Variants in SPATA13 observed in about 807,000 individuals in gnomAD.
The protein encoded by SPATA13 is spermatogenesis-associated protein 13.
In SPATA13, 50 loss-of-function variants were observed where a neutral mutation model predicts 104.0. That is an observed-to-expected ratio of 0.48 (90% CI 0.38 to 0.61). SPATA13 has a LOEUF of 0.61. Ranked by LOEUF, SPATA13 falls within the 20% of genes least tolerant of loss-of-function variation. The probability of loss-of-function intolerance (pLI) is 0.00; values close to 1 mark genes in which losing one functional copy is unlikely to be tolerated. For synonymous variants in SPATA13, 606 were observed against 667.5 expected, an observed-to-expected ratio of 0.91 and a Z score of 1.42; for missense variants, 1,524 against 1,690.6, an observed-to-expected ratio of 0.90 and a Z score of 1.73.
At chr13:24,062,515 C>T (rs1878806749) in intron 3 of SPATA13, among the ~76,000 whole-genome samples, 1 of 152,090 alleles carries the variant, frequency 6.6e-6, no homozygotes. Context: ...GAACCTGGGT[C>T]ACCTCACCTC....
intron 1 of SPATA13, among the ~76,000 whole-genome samples, chr13:24,219,144 T>TTA (rs1468251175): frequency 6.6e-6 from 1 of 152,208 alleles, no homozygotes; most frequent in African/African-American, 2.4e-5. Flanking sequence ...TTCCCACAAT[T>TTA]TATAAGACTT....
In SPATA13 at chr13:24,302,672, A is replaced by G. The variant is rs1480860593; in HGVS notation, c.3733A>G (p.Thr1245Ala). The G allele has an allele frequency of 2.5e-6, 4 of 1,613,878 alleles. No homozygotes were observed. Among genetic ancestry groups the G allele is most frequent in the East Asian group, 2.2e-5 (1 of 44,882 alleles). The change falls in exon 13 of 13, where the codon ACA becomes GCA. Residue 1245 changes from threonine to alanine, a missense_variant. Thr to Ala is a moderately conservative substitution (Grantham distance 58). This residue lies in a region of SPATA13 where 435 missense variants were observed against 554.8 expected (regional missense o/e 0.78). Transcript: ENST00000382108. The stretch of plus-strand genomic sequence containing the variant: ...CCACCAGCGCCACATCACTATGCCC[A>G]CAAGCGTCCCCCAGCAGCAGGTCTT... ...PIHQRHITMP[T>A]SVPQQQVFGL...
At chr13:24,171,551 A>T (rs1333310630) in intron 1 of SPATA13, among the ~76,000 whole-genome samples, 1 of 152,238 alleles carries the variant, frequency 6.6e-6, no homozygotes, top group African/African-American at 2.4e-5. Flanking sequence ...GCTGATAATT[A>T]CAAATGGCCC....
In SPATA13 at chr13:24,289,091, C is replaced by T. The variant is rs767598950; in HGVS notation, c.2760C>T (p.Phe920=). ...GAAACATTGAAGATATTTACAAATT[C>T]CAAAGAAAGTTTCTGAAAGACCTTG... ...IFGNIEDIYK[F]QRKFLKDLEK... The change falls in exon 8 of 13, where the codon TTC becomes TTT. Residue 920 remains phenylalanine, a synonymous_variant. Transcript: ENST00000382108. The T allele has an allele frequency of 1.9e-6, 3 of 1,613,848 alleles. No homozygotes were observed. In the South Asian group the frequency reaches 3.3e-5, roughly 18 times the overall value.
intron 3 of SPATA13, among the ~76,000 whole-genome samples, chr13:24,081,643 C>T (rs1473082168): frequency 6.6e-6 from 1 of 152,106 alleles, no homozygotes; most frequent in Non-Finnish European, 1.5e-5. Context: ...AACTGCACTG[C>T]AGCCTGGGTG....
chr13:24,158,092 T>G (rs1179350123), upstream of SPATA13, among the ~76,000 whole-genome samples: 1 of 152,064 alleles, frequency 6.6e-6, no homozygotes, highest in African/African-American at 2.4e-5. Context: ...TAGTGAGAGG[T>G]GGTAGTTTCT....
At chr13:24,036,295 A>G (rs1877679451) in intron 3 of SPATA13, among the ~76,000 whole-genome samples, 1 of 152,254 alleles carries the variant, frequency 6.6e-6, no homozygotes, top group South Asian at 2.1e-4. Context: ...AATGGAAGAC[A>G]GCTGGGCTGT....
intron 2 of SPATA13, among the ~76,000 whole-genome samples, chr13:24,247,945 T>C (rs542763739): frequency 5.3e-5 from 8 of 152,124 alleles, no homozygotes; most frequent in Non-Finnish European, 8.8e-5. Flanking sequence ...GCCGGTGGGC[T>C]GCGGCACAAG....
chr13:24,033,974 G>A (rs1443956660), intron 3 of SPATA13: 1 of 152,198 alleles, frequency 6.6e-6, no homozygotes, highest in East Asian at 1.9e-4. Flanking sequence ...TATGGAAGAG[G>A]AGACCCTTTA....
In SPATA13 at chr13:24,161,066, C is replaced by T. The variant is rs181467763; in HGVS notation, c.-112+134C>T. 2.7e-4 allele frequency: 135 copies of T among 492,698 alleles called. No homozygotes were observed. The highest frequency in any genetic ancestry group is 2.6e-3 in the African/African-American group (123 of 48,000). The allele number at this position is 492,698 out of a possible 1,614,324, so 30.5% of individuals were successfully genotyped here. The stretch of plus-strand genomic sequence containing the variant: ...TGTCCAGCTCCCAGCTGCTTGGCCT[C>T]TGCTTCCCCCGCCGGTGGAGGCTAC... On this transcript the variant is annotated intron_variant, in intron 1 of 12. Coordinates refer to ENST00000382108, the MANE Select transcript of SPATA13 (RefSeq NM_001166271.3). The surrounding 1 kb of genome is among the most constrained non-coding windows in gnomAD (Gnocchi z 4.5).
rs886934434 is a variant in SPATA13 at position 24,294,840 on chromosome 13, G to T, written c.3182G>T (p.Arg1061Leu). The T allele has an allele frequency of 5.6e-6, 9 of 1,610,206 alleles. No homozygotes were observed. Among genetic ancestry groups the T allele is most frequent in the South Asian group, 2.2e-5 (2 of 90,972 alleles). Residue 1061 changes from arginine to leucine, a missense_variant, in exon 10 of 13, where the codon CGC (arginine) becomes CTC (leucine). By Grantham distance (102) the Arg-to-Leu change is moderately radical. Transcript: ENST00000382108. ...CTGGAGAGCATCGACAAGATAGCTC[G>T]CTGGCAGGTGTCTATCGTGGGCTGG... ...RKLESIDKIARWQVSIVGWEG... is the reference protein window; with the variant it reads ...RKLESIDKIALWQVSIVGWEG...
chr13:24,220,022 C>T (rs1278717733), intron 1 of SPATA13, among the ~76,000 whole-genome samples: 5 of 152,134 alleles, frequency 3.3e-5, no homozygotes, highest in Non-Finnish European at 7.4e-5. Context: ...TACTGTGTGT[C>T]GTTGACTGTT....
At chr13:24,112,553 TAC>T (rs3075291) in intron 3 of SPATA13, among the ~76,000 whole-genome samples, 25,154 of 149,546 alleles carry the variant, frequency 0.17, 4,163 homozygotes, top group African/African-American at 0.42. Flanking sequence ...GTGCCAGGCA[TAC>T]ACACACACAC....
chr13:24,218,704 AG>A (rs1431532950), intron 1 of SPATA13, among the ~76,000 whole-genome samples: 1 of 147,930 alleles, frequency 6.8e-6, no homozygotes, highest in African/African-American at 2.5e-5. Context: ...AAACATTATG[AG>A]GGGTTTTTTT....
chr13:24,116,776 C>CCG (rs1555262575), intron 3 of SPATA13, among the ~76,000 whole-genome samples: 5 of 151,466 alleles, frequency 3.3e-5, no homozygotes, highest in South Asian at 4.2e-4. Context: ...CCAGCCCCCC[C>CCG]CCCCCAATGT....
intron 3 of SPATA13, among the ~76,000 whole-genome samples, chr13:24,155,713 A>C (rs1053886848): frequency 1.1e-4 from 16 of 152,192 alleles, no homozygotes; most frequent in Admixed American, 3.3e-4. Flanking sequence ...CCATTTTAAC[A>C]ATTTTAAGTG....
chr13:23,988,510 C>T (rs752492651), intron 2 of SPATA13, among the ~76,000 whole-genome samples: 4 of 152,150 alleles, frequency 2.6e-5, no homozygotes, highest in Non-Finnish European at 5.9e-5. Context: ...GCATGTTGGT[C>T]AATCAGAATT....
At chr13:24,171,780 T>A (rs1882980046) in intron 1 of SPATA13, among the ~76,000 whole-genome samples, 1 of 152,086 alleles carries the variant, frequency 6.6e-6, no homozygotes, top group African/African-American at 2.4e-5. Flanking sequence ...CATAGATGAG[T>A]TTCCTCAGCT....
Position 24,189,142 on chromosome 13 carries a change from A to C in SPATA13, c.-112+28210A>C, listed in dbSNP as rs1481306835. On this transcript the variant is annotated intron_variant, in intron 1 of 12. Coordinates refer to ENST00000382108, the MANE Select transcript of SPATA13 (RefSeq NM_001166271.3). The stretch of plus-strand genomic sequence containing the variant: ...CATCCATTTTGCAGCCCATGGATCA[A>C]GGAGTAATTTTGACTCTGATGTCTT... Among the ~76,000 whole-genome samples, 4 of 152,282 alleles carry C rather than the reference A, an allele frequency of 2.6e-5. No individual in the cohort carries two copies. In the East Asian group the frequency reaches 7.7e-4, roughly 29 times the overall value.
Sources: gnomAD v4.1 joint callset for allele counts (sites outside exome capture counted in the v4.1 genomes callset) on GRCh38, gnomAD v4.1.1 for gene constraint, gnomAD v4.1.1 regional missense constraint, Gnocchi (gnomAD v3.1) non-coding constraint, MANE v1.5 for transcripts, NCBI Gene and HGNC (gene_info 2026-07-23, HGNC 2026-07-21) for gene names.